The following LIPA variants were observed in gnomAD, a reference collection of about 807,000 sequenced individuals.
LIPA encodes the protein lysosomal acid lipase/cholesteryl ester hydrolase.
A neutral mutation model predicts 40.6 loss-of-function variants in LIPA; 26 were observed. That is an observed-to-expected ratio of 0.64 (90% CI 0.47 to 0.89). LIPA has a LOEUF of 0.89. LIPA is among the 40% of genes least tolerant of loss of function. The probability of loss-of-function intolerance (pLI) is 0.00; values close to 1 mark genes in which losing one functional copy is unlikely to be tolerated. For missense variants in LIPA, 455 were observed against 479.6 expected (o/e 0.95, Z 0.48); for synonymous variants, 188 against 168.4 (o/e 1.12, Z -0.90).
At chr10:89,372,204 C>G (rs896196629) in intron 2 of LIPA, among the ~76,000 whole-genome samples, 1 of 152,216 alleles carries the variant, frequency 6.6e-6, no homozygotes, top group African/African-American at 2.4e-5. Flanking sequence ...ACTTGAGATA[C>G]AAGAACAGGT....
intron 2 of LIPA, chr10:89,404,490 T>C (rs765556161): frequency 7.2e-5 from 11 of 152,262 alleles, no homozygotes; most frequent in Non-Finnish European, 1.2e-4. Context: ...GTGACATACA[T>C]GTTTACATAC....
intron 2 of LIPA, among the ~76,000 whole-genome samples, chr10:89,394,577 A>AATATATATATAT (rs200060906): frequency 3.0e-4 from 33 of 108,726 alleles, no homozygotes; most frequent in Non-Finnish European, 4.1e-4. Context: ...ACTACAGGAA[A>AATATATATATAT]ATATATATAT....
At chr10:89,402,853 T>A (rs1482102651) in intron 2 of LIPA, 2 of 1,614,166 alleles carry the variant, frequency 1.2e-6, no homozygotes, top group Non-Finnish European at 1.7e-6. Flanking sequence ...GGCTTTAAAT[T>A]AGCCACAAAA....
intron 6 of LIPA, 44 bp from the exon 7 acceptor site, chr10:89,223,874 C>A: frequency 6.3e-7 from 1 of 1,599,826 alleles, no homozygotes; most frequent in South Asian, 1.1e-5. Flanking sequence ...GCATTTCACT[C>A]TGGTGCATAA....
Position 89,225,321 on chromosome 10 carries a change from G to C in LIPA, c.539-93C>G. ...GCCGTCACTCGCGACGCCCTCTCGC[G>C]GAGGCCTGAGACCCACGCAAACAAT... On this transcript the variant is annotated intron_variant, in intron 5 of 9. Coordinates refer to ENST00000336233, the MANE Select transcript of LIPA (RefSeq NM_000235.4). The C allele has an allele frequency of 1.1e-5, 13 of 1,166,456 alleles. No homozygotes were observed. The South Asian group carries it at 1.3e-4, about 12-fold the overall frequency. 72.3% of individuals were successfully genotyped at this position (1,166,456 alleles called of 1,614,324 possible). A position where few individuals can be genotyped will look rare whatever the true frequency, so the allele number is the denominator to read the frequency against.
At chr10:89,260,964 G>A (rs931544158) in intron 1 of LIPA, among the ~76,000 whole-genome samples, 10 of 152,176 alleles carry the variant, frequency 6.6e-5, no homozygotes, top group Non-Finnish European at 1.5e-4. Context: ...CATCACAAAA[G>A]GTGAAAGGTA....
Position 89,399,013 on chromosome 10 carries a change from G to A in LIPA, c.61+13778C>T, listed in dbSNP as rs11203110. Reference sequence around the variant, plus strand: ...CCTACTAGCAGTGCACATTTCTCTAGATTCTCACCAATAATTGTTATATCC... The same window carrying A: ...CCTACTAGCAGTGCACATTTCTCTAAATTCTCACCAATAATTGTTATATCC... On this transcript the variant is annotated intron_variant, in intron 2 of 8. Coordinates refer to the LIPA transcript ENST00000371837. Among the ~76,000 whole-genome samples, 1,431 of 151,338 alleles carry A rather than the reference G, an allele frequency of 9.5e-3. 16 individuals are homozygous for A. Among genetic ancestry groups the A allele is most frequent in the Middle Eastern group, 0.021 (6 of 292 alleles).
At chr10:89,245,110 G>T (rs1191007653) in intron 3 of LIPA, among the ~76,000 whole-genome samples, 1 of 152,088 alleles carries the variant, frequency 6.6e-6, no homozygotes, top group African/African-American at 2.4e-5. Flanking sequence ...AGATCTCCAA[G>T]ATATTAAGTA....
intron 1 of LIPA, chr10:89,339,618 T>A: frequency 2.5e-6 from 4 of 1,614,142 alleles, no homozygotes; most frequent in Non-Finnish European, 2.5e-6. Flanking sequence ...CGAATAAAGC[T>A]CTTGAGAAGG....
At chr10:89,286,983 C>T (rs1843344468) in intron 1 of LIPA, among the ~76,000 whole-genome samples, 1 of 152,250 alleles carries the variant, frequency 6.6e-6, no homozygotes, top group African/African-American at 2.4e-5. Flanking sequence ...TGCCAGAAAT[C>T]TGGCCACTGG....
Position 89,225,087 on chromosome 10 carries a change from A to G in LIPA, c.675+5T>C. On this transcript the variant is annotated splice_donor_5th_base_variant and intron_variant, in intron 6 of 9. Coordinates refer to ENST00000336233, the MANE Select transcript of LIPA (RefSeq NM_000235.4). ...AGAGGAGAGGGATGGGAGGGGTCCA[A>G]GTACCTTAATGAGATGATCTGGTAA... 6.2e-7 allele frequency: 1 copy of G among 1,613,908 alleles called. No homozygotes were observed. Among genetic ancestry groups the G allele is most frequent in the Non-Finnish European group, 8.5e-7 (1 of 1,180,012 alleles).
chr10:89,327,615 G>T (rs1468139912), intron 1 of LIPA, among the ~76,000 whole-genome samples: 2 of 152,078 alleles, frequency 1.3e-5, no homozygotes, highest in African/African-American at 4.8e-5. Context: ...AAGGAAAAAG[G>T]ATGTAATGAG....
chr10:89,328,443 G>T (rs968818520), intron 1 of LIPA, among the ~76,000 whole-genome samples: 3 of 152,192 alleles, frequency 2.0e-5, no homozygotes, highest in African/African-American at 7.2e-5. Context: ...GTAGACCTAA[G>T]GGAATTACTC....
chr10:89,361,287 T>C (rs78168359), intron 2 of LIPA, among the ~76,000 whole-genome samples: 2,267 of 152,234 alleles, frequency 0.015, 21 homozygotes, highest in Non-Finnish European at 0.024. Context: ...TAATTCTTTG[T>C]AAGAAAAAGG....
chr10:89,300,145 T>C (rs1283089196), intron 1 of LIPA, among the ~76,000 whole-genome samples: 1 of 152,204 alleles, frequency 6.6e-6, no homozygotes, highest in African/African-American at 2.4e-5. Context: ...GAGACCATTA[T>C]GTTAAATGCA....
Position 89,225,164 on chromosome 10 carries a change from A to G in LIPA, c.603T>C (p.Gly201=). ...AKRIKMFFAL[G]PVASVAFCTS... is the part of the protein sequence containing the mutation. ...TACAGAAGGCGACGGAAGCCACAGG[A>G]CCCAGGGCAAAAAACATTTTAATCC... The change falls in exon 6 of 10, where the codon GGT becomes GGC. Residue 201 remains glycine (G), a synonymous_variant. Coordinates refer to ENST00000336233, the MANE Select transcript of LIPA (RefSeq NM_000235.4). The G allele has an allele frequency of 6.2e-7, 1 of 1,614,124 alleles. No individual in the cohort carries two copies. The highest frequency in any genetic ancestry group is 8.5e-7 in the Non-Finnish European group (1 of 1,180,000).
chr10:89,342,131 C>T (rs952608593), intron 1 of LIPA, among the ~76,000 whole-genome samples: 3 of 152,178 alleles, frequency 2.0e-5, no homozygotes, highest in African/African-American at 7.2e-5. Context: ...GTAACTGCAG[C>T]TAATGAATAA....
intron 2 of LIPA, among the ~76,000 whole-genome samples, chr10:89,375,449 A>G (rs1256219293): frequency 6.6e-6 from 1 of 152,222 alleles, no homozygotes; most frequent in Non-Finnish European, 1.5e-5. Context: ...CCCCAAATAT[A>G]GAATAATGGT....
At chr10:89,364,586 CTTTG>C (rs895100569) in intron 2 of LIPA, among the ~76,000 whole-genome samples, 8 of 151,396 alleles carry the variant, frequency 5.3e-5, no homozygotes, top group African/African-American at 1.7e-4. Flanking sequence ...AAATCCAATC[CTTTG>C]TTTAAGAAAG....
Sources: gnomAD v4.1 joint callset for allele counts (sites outside exome capture counted in the v4.1 genomes callset) on GRCh38, gnomAD v4.1.1 for gene constraint, MANE v1.5 for transcripts, NCBI Gene and HGNC (gene_info 2026-07-23, HGNC 2026-07-21) for gene names.